Variants in TRIM46 observed in about 807,000 individuals in gnomAD.
TRIM46 encodes tripartite motif containing 46.
A neutral mutation model predicts 69.7 loss-of-function variants in TRIM46; 17 were observed. That is an observed-to-expected ratio of 0.24 (90% CI 0.17 to 0.37). The LOEUF (loss-of-function observed/expected upper bound fraction) is 0.37, where lower values mean the gene tolerates loss of function less well. Ranked by LOEUF, TRIM46 falls within the 10% of genes least tolerant of loss-of-function variation. The pLI is 1.00. For missense variants in TRIM46, 675 were observed against 1,025.1 expected (o/e 0.66, Z 4.66); for synonymous variants, 391 against 429.0 (o/e 0.91, Z 1.09).
chr1:155,184,311 C>A lies in TRIM46; in HGVS notation c.*121C>A. 1 of 1,082,844 alleles carries A rather than the reference C, an allele frequency of 9.2e-7. No individual in the cohort carries two copies. The highest frequency in any genetic ancestry group is 1.3e-6 in the Non-Finnish European group (1 of 777,654). 67.1% of individuals were successfully genotyped at this position (1,082,844 alleles called of 1,614,324 possible). A position where few individuals can be genotyped will look rare whatever the true frequency, so the allele number is the denominator to read the frequency against. On this transcript the variant is annotated 3_prime_UTR_variant, in exon 10 of 10. Transcript: ENST00000334634. This position sits in a 1 kb window ranked among gnomAD's most constrained non-coding sequence, Gnocchi z 5.6. The stretch of plus-strand genomic sequence containing the variant: ...CAAACTCTCCTACCATGTGGCCCTG[C>A]TCCTTCTCCCGTGTCTGTCTTCCCA...
rs548263204 is a variant in TRIM46, at chr1:155,183,641, C to G, written c.1887-156C>G. ...AAACCCAAACCCCTGACCCTATACT[C>G]TAACCCCTGCCTCTTCAGCGTTTTC... On this transcript the variant is annotated intron_variant, in intron 9 of 9. Transcript: ENST00000334634. Among the ~76,000 whole-genome samples, 5 of 152,338 alleles carry G rather than the reference C, an allele frequency of 3.3e-5. 1 individual carries two copies. The South Asian group carries it at 1.0e-3, about 32-fold the overall frequency.
In TRIM46 at chr1:155,184,308, C is replaced by G. The variant is rs752437716; in HGVS notation, c.*118C>G. 9.0e-7 allele frequency: 1 copy of G among 1,114,070 alleles called. No homozygotes were observed. 69.0% of individuals were successfully genotyped at this position (1,114,070 alleles called of 1,614,324 possible). ...CCCCAAACTCTCCTACCATGTGGCC[C>G]TGCTCCTTCTCCCGTGTCTGTCTTC... On this transcript the variant is annotated 3_prime_UTR_variant, in exon 10 of 10. Transcript: ENST00000334634. The surrounding 1 kb of genome is among the most constrained non-coding windows in gnomAD (Gnocchi z 5.6).
In TRIM46 at chr1:155,178,168, G is replaced by C; in HGVS notation, c.1076G>C (p.Gly359Ala). The change falls in exon 6 of 10, where the codon GGC becomes GCC. Residue 359 changes from glycine (G) to alanine (A), a missense_variant. Transcript: ENST00000334634. ...CAGGAGCACCGGAGCCTGCTGGATG[G>C]CTCAGGTCTGGTGGGCTATGCCCAG... ...QIQEHRSLLD[G>A]SGLVGYAQEV... is the part of the protein sequence containing the mutation. 2 of 1,614,134 alleles carry C rather than the reference G, an allele frequency of 1.2e-6. 1 individual carries two copies. The highest frequency in any genetic ancestry group is 2.2e-5 in the South Asian group (2 of 91,088).
Position 155,184,176 on chromosome 1 carries a change from G to T in TRIM46, c.2266G>T (p.Ala756Ser). ...PERKVTIGGF[A>S]KLD ...GAGGAAAGTCACCATTGGGGGCTTC[G>T]CCAAGCTGGACTGAGCCTTCCAGGC... The change falls in exon 10 of 10, where the codon GCC becomes TCC. Residue 756 changes from alanine (A) to serine (S), a missense_variant. Physicochemically the swap from Ala to Ser is moderately conservative, Grantham distance 99. Around this residue, in one of 5 missense-constraint regions of TRIM46, gnomAD observed 108 missense variants for 153.0 expected, o/e 0.71. Coordinates refer to ENST00000334634, the MANE Select transcript of TRIM46 (RefSeq NM_025058.5). The surrounding 1 kb of genome is among the most constrained non-coding windows in gnomAD (Gnocchi z 5.6). The T allele has an allele frequency of 6.2e-7, 1 of 1,609,082 alleles. No individual in the cohort carries two copies. Among genetic ancestry groups the T allele is most frequent in the Non-Finnish European group, 8.5e-7 (1 of 1,177,626 alleles).
At position 155,175,623 on chromosome 1, in the gene TRIM46, C is replaced by A. The variant is rs1019707514; in HGVS notation, c.301C>A (p.Arg101Ser). The stretch of plus-strand genomic sequence containing the variant: ...CCGCAGAACTCTCCCCAAGCCAGAC[C>A]GCCTGGACCGGCTGCTTAAGTCAGG... ...LSRRTLPKPD[R>S]LDRLLKSGFG... The change falls in exon 2 of 10, where the codon CGC (arginine) becomes AGC (serine). Residue 101 changes from arginine (R) to serine (S), a missense_variant. Transcript: ENST00000334634. This position sits in a 1 kb window ranked among gnomAD's most constrained non-coding sequence, Gnocchi z 4.2. 6.2e-7 allele frequency: 1 copy of A among 1,613,724 alleles called. No individual in the cohort carries two copies.
chr1:155,178,575 G>A lies in TRIM46; in HGVS notation c.1247G>A (p.Arg416His), dbSNP rs762208041. The change falls in exon 7 of 10, where the codon CGT becomes CAT. Residue 416 changes from arginine to histidine, a missense_variant. By Grantham distance (29) the Arg-to-His change is conservative (BLOSUM62 0). Transcript: ENST00000334634. ...SFRHCQLDVG[R>H]EMKLLTELNF... ...CGCCATTGCCAGCTCGACGTGGGAC[G>A]TGAGATGAAGCTGCTGACAGAGCTT... The A allele has an allele frequency of 1.7e-5, 28 of 1,613,892 alleles. No homozygotes were observed. The highest frequency in any genetic ancestry group is 1.1e-4 in the South Asian group (10 of 91,096).
At chr1:155,174,552 C>A in intron 1 of TRIM46, 5 of 1,456,028 alleles carry the variant, frequency 3.4e-6, no homozygotes, top group Middle Eastern at 1.8e-4. Flanking sequence ...ACCGTGTTCC[C>A]CCCCACCACT....
In TRIM46 at chr1:155,181,235, G is replaced by A. The variant is rs959513492; in HGVS notation, c.1589-617G>A. 6.6e-5 allele frequency among the ~76,000 whole-genome samples: 10 copies of A among 152,156 alleles called. No homozygotes were observed. The highest frequency in any genetic ancestry group is 2.0e-4 in the Admixed American group (3 of 15,282). ...AGCCTGGGGAACAGTGTGAGACTCC[G>A]TCTCAAAAACATATATATATTTTTA... On this transcript the variant is annotated intron_variant, in intron 8 of 9. Transcript: ENST00000334634. This position sits in a 1 kb window ranked among gnomAD's most constrained non-coding sequence, Gnocchi z 4.3.
At chr1:155,174,542 A>G in intron 1 of TRIM46, 1 of 1,469,280 alleles carries the variant, frequency 6.8e-7, no homozygotes, top group Non-Finnish European at 9.0e-7. Context: ...GGCGGTGCCA[A>G]CCGTGTTCCC....
chr1:155,173,921 C>G lies in TRIM46; in HGVS notation c.-46C>G, dbSNP rs1234114376. ...CTGCATTAAGCCCGGGGTTCGCAGC[C>G]GCAGCCGGGATCGGGCACCCAGGGG... On this transcript the variant is annotated 5_prime_UTR_variant, in exon 1 of 10. Coordinates refer to ENST00000334634, the MANE Select transcript of TRIM46 (RefSeq NM_025058.5). 1 of 1,552,066 alleles carries G rather than the reference C, an allele frequency of 6.4e-7. No individual in the cohort carries two copies. Among genetic ancestry groups the G allele is most frequent in the East Asian group, 2.4e-5 (1 of 41,496 alleles).
rs1666362907 is a variant in TRIM46, at chr1:155,183,878, T to C, written c.1968T>C (p.Ile656=). 6.2e-7 allele frequency: 1 copy of C among 1,613,168 alleles called. No homozygotes were observed. The highest frequency in any genetic ancestry group is 1.3e-5 in the African/African-American group (1 of 74,906). Residue 656 remains isoleucine (I), a synonymous_variant, in exon 10 of 10, where the codon ATT becomes ATC. Transcript: ENST00000334634. The part of the protein sequence containing the change: ...EASPPFAFLT[I]GMGKILLGSG... ...CGCCACCCTTCGCTTTCCTAACCAT[T>C]GGCATGGGCAAGATCCTGCTGGGGT...
Position 155,179,766 on chromosome 1 carries a change from C to T in TRIM46, c.1420C>T (p.Gln474Ter). 6.2e-7 allele frequency: 1 copy of T among 1,613,340 alleles called. No homozygotes were observed. Among genetic ancestry groups the T allele is most frequent in the Non-Finnish European group, 8.5e-7 (1 of 1,179,948 alleles). The change falls in exon 8 of 10, where the codon CAG becomes TAG. Residue 474 changes from glutamine to a stop codon, truncating the protein, a stop_gained. Transcript: ENST00000334634. LOFTEE classifies it high-confidence loss of function. ...GTTCCGGCGCACGGATGTGCCTGCTCAGCCAGGCCCCACCCGCTGGCAGCG... is the reference window on the plus strand; with the variant it reads ...GTTCCGGCGCACGGATGTGCCTGCTTAGCCAGGCCCCACCCGCTGGCAGCG... ...VEFRRTDVPA[Q>*]PGPTRWQRRE...
chr1:155,182,452 C>T (rs1666236720), intron 9 of TRIM46: 2 of 543,950 alleles, frequency 3.7e-6, no homozygotes, highest in Non-Finnish European at 3.2e-6. Context: ...ACCATCTCTC[C>T]AAGCATCTGT....
chr1:155,175,340 T>C lies in TRIM46; in HGVS notation c.64-46T>C, dbSNP rs1344731526. 1 of 1,607,002 alleles carries C rather than the reference T, an allele frequency of 6.2e-7. No individual in the cohort carries two copies. The highest frequency in any genetic ancestry group is 8.5e-7 in the Non-Finnish European group (1 of 1,177,790). ...GGGCAGCCAAGGGGCTGCTGAGGTA[T>C]GCCTAAGTGTCCAAGCGCTGACCTA... is the stretch of plus-strand genomic sequence containing the variant. On this transcript the variant is annotated intron_variant, in intron 1 of 9. Coordinates refer to ENST00000334634, the MANE Select transcript of TRIM46 (RefSeq NM_025058.5). The surrounding 1 kb of genome is among the most constrained non-coding windows in gnomAD (Gnocchi z 4.2).
At chr1:155,178,743 AC>A in intron 7 of TRIM46, 130 bp downstream of exon 7, 1 of 465,322 alleles carries the variant, frequency 2.1e-6, no homozygotes, top group Non-Finnish European at 3.4e-6. Flanking sequence ...CATTCCTCCC[AC>A]CCAGCCCACC....
intron 1 of TRIM46, chr1:155,174,544 CG>C: frequency 6.8e-7 from 1 of 1,471,528 alleles, no homozygotes; most frequent in South Asian, 1.4e-5. Context: ...CGGTGCCAAC[CG>C]TGTTCCCCCC....
chr1:155,182,158 C>T lies in TRIM46; in HGVS notation c.1886+9C>T. ...GATGTGATCAGCCCCAGGTCAGACC[C>T]CTCTGGAAGGGATGGGGTGTGGGGG... On this transcript the variant is annotated intron_variant, in intron 9 of 9. Coordinates refer to ENST00000334634, the MANE Select transcript of TRIM46 (RefSeq NM_025058.5). 6.2e-7 allele frequency: 1 copy of T among 1,611,860 alleles called. No individual in the cohort carries two copies. The highest frequency in any genetic ancestry group is 8.5e-7 in the Non-Finnish European group (1 of 1,178,368).
Position 155,184,262 on chromosome 1 carries a change from G to A in TRIM46, c.*72G>A. Reference sequence around the variant, plus strand: ...CCCCCAAACCTCTTGGCACCCGGTTGTTACCCCCTGGCAGCTTCTCCCCCA... The same window carrying A: ...CCCCCAAACCTCTTGGCACCCGGTTATTACCCCCTGGCAGCTTCTCCCCCA... On this transcript the variant is annotated 3_prime_UTR_variant, in exon 10 of 10. Transcript: ENST00000334634. The surrounding 1 kb of genome is among the most constrained non-coding windows in gnomAD (Gnocchi z 5.6). 1 of 1,446,290 alleles carries A rather than the reference G, an allele frequency of 6.9e-7. No individual in the cohort carries two copies. The highest frequency in any genetic ancestry group is 9.1e-7 in the Non-Finnish European group (1 of 1,095,222). 89.6% of individuals were successfully genotyped at this position (1,446,290 alleles called of 1,614,324 possible).
chr1:155,183,743 C>G, intron 9 of TRIM46, 54 bp from the exon 10 acceptor site: 1 of 1,586,650 alleles, frequency 6.3e-7, no homozygotes, highest in East Asian at 2.2e-5. Flanking sequence ...CCTCTGGTAC[C>G]TCATCCGTCA....
Sources: gnomAD v4.1 joint callset for allele counts (sites outside exome capture counted in the v4.1 genomes callset) on GRCh38, gnomAD v4.1.1 for gene constraint, gnomAD v4.1.1 regional missense constraint, Gnocchi (gnomAD v3.1) non-coding constraint, MANE v1.5 for transcripts, NCBI Gene and HGNC (gene_info 2026-07-23, HGNC 2026-07-21) for gene names.